The following LHFPL6 variants were observed in gnomAD, a reference collection of about 807,000 sequenced individuals.
LHFPL6 encodes the protein LHFPL tetraspan subfamily member 6, also known as LHFPL tetraspan subfamily member 6 protein.
A neutral mutation model predicts 20.6 loss-of-function variants in LHFPL6; 9 were observed. That is an observed-to-expected ratio of 0.44 (90% CI 0.26 to 0.76). The LOEUF is 0.76. LHFPL6 is among the 30% of genes least tolerant of loss of function. LHFPL6 has a pLI of 0.20. For synonymous variants in LHFPL6, 105 were observed against 98.7 expected (o/e 1.06, Z -0.38); for missense variants, 218 against 253.5 (o/e 0.86, Z 0.95).
At chr13:39,525,829 T>C (rs1041504354) in intron 2 of LHFPL6, among the ~76,000 whole-genome samples, 3 of 151,634 alleles carry the variant, frequency 2.0e-5, no homozygotes, top group African/African-American at 7.3e-5. Context: ...AAAATCATAA[T>C]CCTCATAAAA....
At position 39,422,956 on chromosome 13, in the gene LHFPL6, A is replaced by G. The variant is rs565432493; in HGVS notation, c.386-44430T>C. 6.6e-5 allele frequency among the ~76,000 whole-genome samples: 10 copies of G among 152,270 alleles called. No individual in the cohort carries two copies. The South Asian group carries it at 2.1e-3, about 32-fold the overall frequency. On this transcript the variant is annotated intron_variant, in intron 2 of 3. Transcript: ENST00000379589. ...GAAAAGTGCAGAGCAAAAGGGAAAA[A>G]AGCCCCTTAAAAAACCATCAGATCT...
chr13:39,433,072 A>G lies in LHFPL6; in HGVS notation c.386-54546T>C, dbSNP rs372887884. Among the ~76,000 whole-genome samples the G allele has an allele frequency of 1.2e-3, 185 of 152,326 alleles. 6 individuals carry two copies. In the South Asian group the frequency reaches 0.037, roughly 31 times the overall value. ...CTAGATCTTGCCTTCTGATGCTAAA[A>G]TCAACAGATTGGAGCCTTATGCCAA... On this transcript the variant is annotated intron_variant, in intron 2 of 3. Coordinates refer to ENST00000379589, the MANE Select transcript of LHFPL6 (RefSeq NM_005780.3).
At chr13:39,474,259 G>C (rs1187752173) in intron 2 of LHFPL6, among the ~76,000 whole-genome samples, 3 of 152,170 alleles carry the variant, frequency 2.0e-5, no homozygotes, top group Admixed American at 6.5e-5. Flanking sequence ...TTGTCTACTT[G>C]TTGTAATAAT....
chr13:39,429,731 C>T (rs142213609), intron 2 of LHFPL6, among the ~76,000 whole-genome samples: 4 of 152,232 alleles, frequency 2.6e-5, no homozygotes, highest in African/African-American at 9.6e-5. Context: ...CCTCTTCTCC[C>T]ATTCTACTTT....
At chr13:39,407,950 G>A (rs1490857867) in intron 2 of LHFPL6, among the ~76,000 whole-genome samples, 1 of 152,154 alleles carries the variant, frequency 6.6e-6, no homozygotes, top group East Asian at 1.9e-4. Flanking sequence ...GGTGGCAGAC[G>A]CTGTCTGGGA....
At chr13:39,515,423 A>C (rs144036318) in intron 2 of LHFPL6, among the ~76,000 whole-genome samples, 1 of 152,310 alleles carries the variant, frequency 6.6e-6, no homozygotes, top group African/African-American at 2.4e-5. Flanking sequence ...GCTGCACCAA[A>C]TTGGCCTTTA....
At chr13:39,397,536 A>T (rs1870874507) in intron 2 of LHFPL6, among the ~76,000 whole-genome samples, 1 of 152,236 alleles carries the variant, frequency 6.6e-6, no homozygotes, top group Non-Finnish European at 1.5e-5. Context: ...TACTTAATTA[A>T]TTCTTGTAAG....
chr13:39,512,044 G>A (rs1381142876), intron 2 of LHFPL6, among the ~76,000 whole-genome samples: 2 of 152,186 alleles, frequency 1.3e-5, no homozygotes, highest in African/African-American at 4.8e-5. Flanking sequence ...TTCTGGTTCT[G>A]AAGTGGGATG....
chr13:39,490,097 A>ATC (rs1868868163), intron 2 of LHFPL6, among the ~76,000 whole-genome samples: 1 of 150,912 alleles, frequency 6.6e-6, no homozygotes, highest in African/African-American at 2.4e-5. Flanking sequence ...CAAACAAACA[A>ATC]AAAAAAAAAC....
intron 2 of LHFPL6, among the ~76,000 whole-genome samples, chr13:39,423,637 T>C (rs1871554067): frequency 6.6e-6 from 1 of 152,060 alleles, no homozygotes; most frequent in Non-Finnish European, 1.5e-5. Flanking sequence ...AAAGGATACA[T>C]GAGAATCATG....
At chr13:39,469,002 C>T (rs938845313) in intron 2 of LHFPL6, among the ~76,000 whole-genome samples, 3 of 152,100 alleles carry the variant, frequency 2.0e-5, no homozygotes, top group African/African-American at 7.2e-5. Flanking sequence ...GCTAGCCTAA[C>T]TGTATAAGGC....
chr13:39,551,337 C>A (rs537531365), intron 2 of LHFPL6, among the ~76,000 whole-genome samples: 1 of 152,178 alleles, frequency 6.6e-6, no homozygotes, highest in South Asian at 2.1e-4. Flanking sequence ...TTTATAACAA[C>A]CCACTCTTGA....
intron 2 of LHFPL6, among the ~76,000 whole-genome samples, chr13:39,548,532 G>A (rs1039748613): frequency 5.9e-5 from 9 of 151,986 alleles, no homozygotes; most frequent in African/African-American, 2.2e-4. Context: ...AGTTACTGAT[G>A]ATGAGCTTTT....
intron 2 of LHFPL6, among the ~76,000 whole-genome samples, chr13:39,441,820 A>C (rs1872142968): frequency 6.7e-6 from 1 of 149,486 alleles, no homozygotes; most frequent in Non-Finnish European, 1.5e-5. Context: ...ACCTGGGCTA[A>C]AACTTTTTTT....
intron 2 of LHFPL6, among the ~76,000 whole-genome samples, chr13:39,392,632 G>A (rs1870739296): frequency 6.6e-6 from 1 of 151,844 alleles, no homozygotes; most frequent in Non-Finnish European, 1.5e-5. Context: ...AAGAGTAAAT[G>A]CTGCATTTCA....
At chr13:39,430,590 G>A (rs1871767057) in intron 2 of LHFPL6, among the ~76,000 whole-genome samples, 2 of 152,218 alleles carry the variant, frequency 1.3e-5, no homozygotes, top group African/African-American at 2.4e-5. Flanking sequence ...TAGACTTCCT[G>A]GGTTGAGTGG....
chr13:39,366,206 G>A (rs1333331384), intron 3 of LHFPL6, among the ~76,000 whole-genome samples: 1 of 152,160 alleles, frequency 6.6e-6, no homozygotes, highest in Non-Finnish European at 1.5e-5. Context: ...TGACTGGATG[G>A]ATGCTTAAAT....
intron 2 of LHFPL6, among the ~76,000 whole-genome samples, chr13:39,502,426 C>A (rs1464648128): frequency 6.6e-6 from 1 of 151,162 alleles, no homozygotes; most frequent in African/African-American, 2.4e-5. Flanking sequence ...CGAGACCAGC[C>A]TGGGAAACAT....
intron 2 of LHFPL6, among the ~76,000 whole-genome samples, chr13:39,596,645 A>C (rs1275358118): frequency 2.4e-5 from 2 of 84,198 alleles, no homozygotes; most frequent in African/African-American, 1.0e-4. Flanking sequence ...GTAATCTATA[A>C]GGCATAATTT....
Sources: allele counts gnomAD v4.1 joint callset (sites outside exome capture counted in the v4.1 genomes callset), GRCh38; gene constraint gnomAD v4.1.1; transcripts MANE v1.5; gene names NCBI Gene and HGNC (gene_info 2026-07-23, HGNC 2026-07-21).